Variants in ROR1 observed in about 807,000 individuals in gnomAD.
ROR1 encodes inactive tyrosine-protein kinase transmembrane receptor ROR1.
A neutral mutation model predicts 78.8 loss-of-function variants in ROR1; 19 were observed. The observed-to-expected ratio is 0.24, with a 90% CI of 0.17 to 0.35. ROR1 has a LOEUF of 0.35. ROR1 is among the 10% of genes least tolerant of loss of function. The probability of loss-of-function intolerance (pLI) is 1.00; values close to 1 mark genes in which losing one functional copy is unlikely to be tolerated. For synonymous variants in ROR1, 386 were observed against 433.6 expected (o/e 0.89, Z 1.36); for missense variants, 917 against 1,177.8 (o/e 0.78, Z 3.24).
intron 1 of ROR1, among the ~76,000 whole-genome samples, chr1:63,964,392 T>C (rs1042385255): frequency 2.0e-5 from 3 of 152,240 alleles, no homozygotes; most frequent in Non-Finnish European, 2.9e-5. Flanking sequence ...TCTTCATACA[T>C]ATACCTACAT....
intron 1 of ROR1, among the ~76,000 whole-genome samples, chr1:64,007,956 C>CTTTTTTTTTTTTTTT (rs74261212): frequency 5.1e-5 from 7 of 137,700 alleles, no homozygotes; most frequent in African/African-American, 2.0e-4. Flanking sequence ...TGCCCTTGTT[C>CTTTTTTTTTTTTTTT]TTTTTTTTTT....
intron 1 of ROR1, among the ~76,000 whole-genome samples, chr1:63,927,907 A>C (rs560786862): frequency 6.6e-6 from 1 of 151,602 alleles, no homozygotes; most frequent in African/African-American, 2.4e-5. Flanking sequence ...CTCACTATCC[A>C]TAGTCCTTTG....
At chr1:63,979,483 C>CCAGAAGCTGTGG (rs1646190450) in intron 1 of ROR1, among the ~76,000 whole-genome samples, 1 of 152,234 alleles carries the variant, frequency 6.6e-6, no homozygotes, top group East Asian at 1.9e-4. Flanking sequence ...GGCCATCCTG[C>CCAGAAGCTGTGG]CAGAAGCTGT....
intron 1 of ROR1, among the ~76,000 whole-genome samples, chr1:63,912,598 A>T (rs1297290207): frequency 1.3e-5 from 2 of 152,198 alleles, no homozygotes; most frequent in East Asian, 3.9e-4. Flanking sequence ...GTTGGCTGTG[A>T]CTGGCATCTT....
chr1:64,157,666 T>C (rs1457843601), intron 7 of ROR1, among the ~76,000 whole-genome samples: 1 of 152,242 alleles, frequency 6.6e-6, no homozygotes, highest in African/African-American at 2.4e-5. Flanking sequence ...ACTCATCATT[T>C]AAAGGACCTT....
intron 1 of ROR1, among the ~76,000 whole-genome samples, chr1:63,813,292 C>T (rs1199604601): frequency 1.3e-5 from 2 of 152,168 alleles, no homozygotes; most frequent in South Asian, 2.1e-4. Context: ...CAATGGTGTA[C>T]GTAGTGGTAA....
chr1:64,144,797 C>G (rs1445442364), intron 7 of ROR1, among the ~76,000 whole-genome samples: 3 of 152,106 alleles, frequency 2.0e-5, no homozygotes, highest in Non-Finnish European at 4.4e-5. Context: ...TTAATGGCAA[C>G]AATAACAGGT....
At chr1:63,898,577 GGAAA>G (rs1645459618) in intron 1 of ROR1, among the ~76,000 whole-genome samples, 1 of 144,954 alleles carries the variant, frequency 6.9e-6, no homozygotes, top group African/African-American at 2.6e-5. Flanking sequence ...AAGGAAGGAA[GGAAA>G]GAGAGAGAGA....
chr1:63,965,461 T>G (rs1646066368), intron 1 of ROR1, among the ~76,000 whole-genome samples: 2 of 152,196 alleles, frequency 1.3e-5, no homozygotes, highest in African/African-American at 4.8e-5. Flanking sequence ...AGACATTACA[T>G]TTGCTTAGGA....
At chr1:64,021,189 G>A (rs375358527) in intron 2 of ROR1, among the ~76,000 whole-genome samples, 27 of 152,260 alleles carry the variant, frequency 1.8e-4, no homozygotes, top group African/African-American at 5.1e-4. Context: ...AACTCTGGCC[G>A]TTGGACTATG....
At chr1:63,994,508 G>T (rs150179988) in intron 1 of ROR1, among the ~76,000 whole-genome samples, 1 of 152,184 alleles carries the variant, frequency 6.6e-6, no homozygotes, top group Non-Finnish European at 1.5e-5. Context: ...CTTTGAAAAG[G>T]TCTTCACACT....
chr1:64,046,833 G>T (rs899195721), intron 2 of ROR1, among the ~76,000 whole-genome samples: 1 of 152,222 alleles, frequency 6.6e-6, no homozygotes, highest in Non-Finnish European at 1.5e-5. Context: ...CCTCAGTTCT[G>T]CCACAAGGCC....
chr1:63,921,963 T>C (rs566191659), intron 1 of ROR1, among the ~76,000 whole-genome samples: 1 of 152,296 alleles, frequency 6.6e-6, no homozygotes, highest in African/African-American at 2.4e-5. Flanking sequence ...AGAGGGGGTA[T>C]CTCAGGAGCT....
intron 2 of ROR1, among the ~76,000 whole-genome samples, chr1:64,040,157 A>G (rs1646734577): frequency 6.6e-6 from 1 of 152,220 alleles, no homozygotes; most frequent in Non-Finnish European, 1.5e-5. Flanking sequence ...GCATTCAGCT[A>G]AAGATGGGGG....
At chr1:64,011,331 C>A (rs947810072) in intron 2 of ROR1, among the ~76,000 whole-genome samples, 1 of 152,172 alleles carries the variant, frequency 6.6e-6, no homozygotes, top group African/African-American at 2.4e-5. Context: ...AAATAAAAGA[C>A]CCTGAACATT....
intron 1 of ROR1, among the ~76,000 whole-genome samples, chr1:63,798,454 C>T (rs1035667084): frequency 2.0e-5 from 3 of 152,084 alleles, no homozygotes; most frequent in African/African-American, 7.2e-5. Context: ...AGGCCACAGA[C>T]CTGACTCCTT....
At chr1:64,029,044 A>G (rs986567922) in intron 2 of ROR1, 6 of 152,140 alleles carry the variant, frequency 3.9e-5, no homozygotes, top group African/African-American at 1.4e-4. Context: ...AACATCCTAT[A>G]TCACTCTTAT....
Position 64,152,840 on chromosome 1 carries a change from C to A in ROR1, c.1175-6141C>A, listed in dbSNP as rs116763581. 4.2e-3 allele frequency among the ~76,000 whole-genome samples: 639 copies of A among 152,208 alleles called. 5 individuals are homozygous for A. The highest frequency in any genetic ancestry group is 0.015 in the African/African-American group (606 of 41,524). ...AGCAGGCAGGATTCCTCAAGCATAG[C>A]CCTTTACAATTTGATGTTGATTGAC... is the stretch of plus-strand genomic sequence containing the variant. On this transcript the variant is annotated intron_variant, in intron 7 of 8. Transcript: ENST00000371079.
At chr1:63,970,793 A>T (rs1295373866) in intron 1 of ROR1, among the ~76,000 whole-genome samples, 1 of 152,220 alleles carries the variant, frequency 6.6e-6, no homozygotes, top group Admixed American at 6.5e-5. Context: ...TTTCCATTGT[A>T]CAGATGAGAA....
Sources: gnomAD v4.1 joint callset for allele counts (sites outside exome capture counted in the v4.1 genomes callset) on GRCh38, gnomAD v4.1.1 for gene constraint, MANE v1.5 for transcripts, NCBI Gene and HGNC (gene_info 2026-07-23, HGNC 2026-07-21) for gene names.